The following CTNNA2 variants were observed in gnomAD, a reference collection of about 807,000 sequenced individuals.
CTNNA2 encodes the protein catenin alpha 2, also known as catenin alpha-2.
A neutral mutation model predicts 101.0 loss-of-function variants in CTNNA2; 42 were observed. The ratio of observed to expected loss-of-function variants is 0.42; its 90% CI spans 0.32 to 0.54. The LOEUF is 0.54. Ranked by LOEUF, CTNNA2 falls within the 20% of genes least tolerant of loss-of-function variation. CTNNA2 has a pLI of 0.14. For synonymous variants in CTNNA2, 450 were observed against 456.4 expected (o/e 0.99, Z 0.18); for missense variants, 871 against 1,223.1 (o/e 0.71, Z 4.29).
intron 9 of CTNNA2, among the ~76,000 whole-genome samples, chr2:80,489,976 GGGATAT>G (rs1686911645): frequency 6.6e-6 from 1 of 152,106 alleles, no homozygotes; most frequent in Non-Finnish European, 1.5e-5. Context: ...GGATGGAAAA[GGGATAT>G]GAATCAGACC....
intron 7 of CTNNA2, among the ~76,000 whole-genome samples, chr2:80,033,972 T>TAAAA (rs70940069): frequency 3.6e-5 from 3 of 84,226 alleles, no homozygotes; most frequent in Admixed American, 2.8e-4. Flanking sequence ...GCTTATAATG[T>TAAAA]AAAAAAAAAA....
chr2:79,259,768 G>A (rs1044102650), intron 2 of CTNNA2, among the ~76,000 whole-genome samples: 3 of 152,072 alleles, frequency 2.0e-5, no homozygotes, highest in African/African-American at 7.2e-5. Flanking sequence ...CTTTGGTGGT[G>A]GACTGAGAAG....
At chr2:79,681,817 G>C (rs552339914) in intron 2 of CTNNA2, among the ~76,000 whole-genome samples, 1 of 152,312 alleles carries the variant, frequency 6.6e-6, no homozygotes, top group East Asian at 1.9e-4. Flanking sequence ...CCGCTTCAGA[G>C]GGGAAAAGGC....
chr2:79,582,381 A>G (rs945486922), intron 1 of CTNNA2, among the ~76,000 whole-genome samples: 9 of 152,284 alleles, frequency 5.9e-5, no homozygotes, highest in African/African-American at 2.2e-4. Context: ...CCTACCATAT[A>G]CATATCATAT....
At chr2:80,492,635 G>A (rs751274770) in intron 9 of CTNNA2, among the ~76,000 whole-genome samples, 9 of 151,988 alleles carry the variant, frequency 5.9e-5, no homozygotes, top group Non-Finnish European at 7.4e-5. Flanking sequence ...TCTTTTCTTT[G>A]TCCTCCCTTA....
chr2:80,525,499 C>T (rs1446102664), intron 9 of CTNNA2, among the ~76,000 whole-genome samples: 1 of 152,120 alleles, frequency 6.6e-6, no homozygotes, highest in Non-Finnish European at 1.5e-5. Context: ...GGGTAACTCT[C>T]AGGAGCAGGA....
intron 2 of CTNNA2, among the ~76,000 whole-genome samples, chr2:79,230,682 C>T (rs1192874592): frequency 6.6e-6 from 1 of 152,142 alleles, no homozygotes; most frequent in Non-Finnish European, 1.5e-5. Flanking sequence ...CATCTGCCAA[C>T]ACCTTGTACC....
At chr2:80,220,368 C>T (rs1363751766) in intron 7 of CTNNA2, among the ~76,000 whole-genome samples, 1 of 152,202 alleles carries the variant, frequency 6.6e-6, no homozygotes, top group Non-Finnish European at 1.5e-5. Flanking sequence ...ATGGCATCCA[C>T]GTTTTTTCCT....
At chr2:80,139,987 G>A (rs1169290960) in intron 7 of CTNNA2, among the ~76,000 whole-genome samples, 1 of 152,166 alleles carries the variant, frequency 6.6e-6, no homozygotes, top group Non-Finnish European at 1.5e-5. Flanking sequence ...GTTACACATT[G>A]ACAGACAGTA....
chr2:79,973,043 G>A (rs560612523), intron 7 of CTNNA2, among the ~76,000 whole-genome samples: 1 of 152,096 alleles, frequency 6.6e-6, no homozygotes, highest in African/African-American at 2.4e-5. Flanking sequence ...AGAGAAAGAG[G>A]CCATGCAGCA....
At chr2:79,216,760 TG>T (rs1276946208) in intron 2 of CTNNA2, among the ~76,000 whole-genome samples, 3 of 123,990 alleles carry the variant, frequency 2.4e-5, no homozygotes, top group Non-Finnish European at 3.4e-5. Context: ...AAGAAGGGGT[TG>T]GGGGGTTCTT....
chr2:80,574,324 G>C lies in CTNNA2; in HGVS notation c.1893+10G>C, dbSNP rs542603343. 147 of 1,603,144 alleles carry C rather than the reference G, an allele frequency of 9.2e-5. 1 individual carries two copies. The highest frequency in any genetic ancestry group is 7.9e-5 in the Non-Finnish European group (93 of 1,171,980). On this transcript the variant is annotated intron_variant, in intron 13 of 18. Transcript: ENST00000402739. ...TGTGCTGATGATCAGGGTATGTGAG[G>C]CCTCTGTAGCTCAGAGCTGGTCAGA...
chr2:80,450,388 G>A (rs1683404292), intron 9 of CTNNA2, among the ~76,000 whole-genome samples: 1 of 151,974 alleles, frequency 6.6e-6, no homozygotes, highest in Non-Finnish European at 1.5e-5. Context: ...GAACATGCTG[G>A]TTTTATCTGG....
chr2:79,382,128 A>T (rs1157460599), intron 4 of CTNNA2, among the ~76,000 whole-genome samples: 4 of 151,990 alleles, frequency 2.6e-5, no homozygotes, highest in Admixed American at 2.6e-4. Context: ...AAGGTGGAAG[A>T]AGGGTAAATT....
chr2:79,932,782 G>A (rs753542505), intron 7 of CTNNA2, among the ~76,000 whole-genome samples: 4 of 152,058 alleles, frequency 2.6e-5, no homozygotes, highest in Non-Finnish European at 5.9e-5. Context: ...CATACATTGA[G>A]TTACAAACTT....
At chr2:79,767,567 G>C (rs543102349) in intron 3 of CTNNA2, among the ~76,000 whole-genome samples, 2 of 152,212 alleles carry the variant, frequency 1.3e-5, no homozygotes, top group South Asian at 4.1e-4. Context: ...GGTACCCCAA[G>C]CCCAGTAATG....
At chr2:79,762,998 T>G (rs965641583) in intron 3 of CTNNA2, among the ~76,000 whole-genome samples, 7 of 152,200 alleles carry the variant, frequency 4.6e-5, no homozygotes, top group Non-Finnish European at 7.3e-5. Context: ...TAACTAGAAC[T>G]TTAACCCAAG....
At chr2:79,777,394 A>T (rs1674060467) in intron 3 of CTNNA2, among the ~76,000 whole-genome samples, 2 of 147,592 alleles carry the variant, frequency 1.4e-5, no homozygotes, top group African/African-American at 5.0e-5. Flanking sequence ...GTGTATATTC[A>T]TTTGCATTCC....
intron 9 of CTNNA2, among the ~76,000 whole-genome samples, chr2:80,452,055 A>G (rs191174408): frequency 1.3e-5 from 2 of 152,306 alleles, no homozygotes; most frequent in African/African-American, 2.4e-5. Flanking sequence ...TTTAAGCTAT[A>G]TTTGGTTCTT....
Sources: allele counts gnomAD v4.1 joint callset (sites outside exome capture counted in the v4.1 genomes callset), GRCh38; gene constraint gnomAD v4.1.1; transcripts MANE v1.5; gene names NCBI Gene and HGNC (gene_info 2026-07-23, HGNC 2026-07-21).